Variants in LIN28B observed in about 807,000 individuals in gnomAD.
LIN28B encodes the protein lin-28 RNA binding posttranscriptional regulator B.
In LIN28B, 5 loss-of-function variants were observed where a neutral mutation model predicts 21.9. The ratio of observed to expected loss-of-function variants is 0.23; its 90% CI spans 0.12 to 0.48. The LOEUF (loss-of-function observed/expected upper bound fraction) is 0.48. Among genes scored for constraint, LIN28B ranks in the 20% least tolerant of loss-of-function variants. LIN28B has a pLI of 0.98. For synonymous variants in LIN28B, 109 were observed against 111.3 expected (o/e 0.98, Z 0.13); for missense variants, 245 against 310.5 (o/e 0.79, Z 1.58).
intron 2 of LIN28B, among the ~76,000 whole-genome samples, chr6:105,025,148 A>T (rs1771263381): frequency 6.6e-6 from 1 of 152,218 alleles, no homozygotes; most frequent in African/African-American, 2.4e-5. Flanking sequence ...TGGCTTATTC[A>T]AAGCAATATA....
chr6:104,943,529 GATTTAAAAAATGAAACATGGGCATAC>G (rs1778121868), intron 2 of LIN28B, among the ~76,000 whole-genome samples: 1 of 152,038 alleles, frequency 6.6e-6, no homozygotes. Context: ...AAGTTGCATT[GATTTAAAAAATGAAACATGGGCATAC>G]AGGGATGAAT....
rs140354720 is a variant in LIN28B, at chr6:104,980,013, A to C, written c.198+21727A>C. ...ATGTCTTTATCTTAACATGAGAAACATAGAAAGGATTGATGTGCTTTTGCA... is the reference window on the plus strand; with the variant it reads ...ATGTCTTTATCTTAACATGAGAAACCTAGAAAGGATTGATGTGCTTTTGCA... On this transcript the variant is annotated intron_variant, in intron 2 of 3. Transcript: ENST00000345080. Among the ~76,000 whole-genome samples, 374 of 152,318 alleles carry C rather than the reference A, an allele frequency of 2.5e-3. 3 individuals carry two copies. The highest frequency in any genetic ancestry group is 8.8e-3 in the African/African-American group (365 of 41,584).
At chr6:105,069,562 A>G (rs986140083) in intron 3 of LIN28B, among the ~76,000 whole-genome samples, 1 of 149,688 alleles carries the variant, frequency 6.7e-6, no homozygotes, top group Admixed American at 6.7e-5. Context: ...CCGTCTCTAC[A>G]AAAAATTTAA....
chr6:104,991,405 A>G (rs1347828085), intron 2 of LIN28B, among the ~76,000 whole-genome samples: 2 of 126,976 alleles, frequency 1.6e-5, no homozygotes, highest in African/African-American at 6.1e-5. Context: ...CGCTCCTCAC[A>G]TCCCAGACGG....
chr6:104,971,569 A>G (rs1050721802), intron 2 of LIN28B, among the ~76,000 whole-genome samples: 6 of 152,174 alleles, frequency 3.9e-5, no homozygotes, highest in African/African-American at 1.4e-4. Context: ...AGCTACATAG[A>G]AAGGCTACTT....
At chr6:104,980,320 T>C (rs1053402718) in intron 2 of LIN28B, among the ~76,000 whole-genome samples, 6 of 152,210 alleles carry the variant, frequency 3.9e-5, no homozygotes, top group African/African-American at 1.4e-4. Flanking sequence ...AGTTTTTATC[T>C]CTTTGAGAAA....
At chr6:104,992,852 ATACTTT>A (rs1343833232) in intron 2 of LIN28B, among the ~76,000 whole-genome samples, 1 of 151,966 alleles carries the variant, frequency 6.6e-6, no homozygotes, top group East Asian at 1.9e-4. Flanking sequence ...TATTAGCTTT[ATACTTT>A]TACTTTTCTC....
At chr6:105,007,636 C>T (rs1230793978) in intron 2 of LIN28B, among the ~76,000 whole-genome samples, 1 of 151,272 alleles carries the variant, frequency 6.6e-6, no homozygotes, top group East Asian at 1.9e-4. Flanking sequence ...GAGATCCTCC[C>T]ACCTTAGCCT....
At chr6:104,999,388 C>T (rs1300234288) in intron 2 of LIN28B, among the ~76,000 whole-genome samples, 1 of 152,118 alleles carries the variant, frequency 6.6e-6, no homozygotes, top group Non-Finnish European at 1.5e-5. Flanking sequence ...GTCATCCCAC[C>T]TCAGTCTCCT....
intron 3 of LIN28B, among the ~76,000 whole-genome samples, chr6:105,034,682 A>C (rs1312141155): frequency 1.3e-5 from 2 of 152,084 alleles, no homozygotes; most frequent in Non-Finnish European, 2.9e-5. Context: ...ACAGAAACAG[A>C]AACCAATTAT....
At chr6:104,954,203 T>C (rs548387362), upstream of LIN28B, among the ~76,000 whole-genome samples, 2 of 152,156 alleles carry the variant, frequency 1.3e-5, no homozygotes, top group East Asian at 3.9e-4. Flanking sequence ...TTTCAGGCAC[T>C]AAAACCAAGT....
chr6:104,981,792 A>G (rs1030235601), intron 2 of LIN28B, among the ~76,000 whole-genome samples: 7 of 152,212 alleles, frequency 4.6e-5, no homozygotes, highest in African/African-American at 1.7e-4. Flanking sequence ...TGCTCTTTTT[A>G]TAGGTACATT....
chr6:105,052,382 T>C (rs1461466300), intron 3 of LIN28B, among the ~76,000 whole-genome samples: 3 of 152,062 alleles, frequency 2.0e-5, no homozygotes, highest in Non-Finnish European at 2.9e-5. Flanking sequence ...GGCTGGGAAG[T>C]CCAAGATCAA....
At chr6:104,989,792 A>T (rs937171749) in intron 2 of LIN28B, among the ~76,000 whole-genome samples, 6 of 151,366 alleles carry the variant, frequency 4.0e-5, no homozygotes, top group Non-Finnish European at 5.9e-5. Context: ...GAATTTCACC[A>T]TGTTGGCCTG....
intron 2 of LIN28B, among the ~76,000 whole-genome samples, chr6:104,983,370 A>G (rs577338888): frequency 1.3e-5 from 2 of 152,342 alleles, no homozygotes; most frequent in African/African-American, 4.8e-5. Context: ...AAAAGAAAGT[A>G]AAACAATGAT....
At chr6:105,057,986 C>A in intron 3 of LIN28B, 1 of 318,270 alleles carries the variant, frequency 3.1e-6, no homozygotes, top group Non-Finnish European at 6.0e-6. Flanking sequence ...CTGTATGCAG[C>A]TCATGGTCCC....
chr6:104,938,450 G>A (rs1453299955), intron 2 of LIN28B, among the ~76,000 whole-genome samples: 43 of 151,920 alleles, frequency 2.8e-4, no homozygotes, highest in Admixed American at 2.8e-3. Flanking sequence ...ACCAGCGTGG[G>A]CAACATGGTG....
At chr6:105,065,222 T>C (rs564867734) in intron 3 of LIN28B, among the ~76,000 whole-genome samples, 32 of 152,278 alleles carry the variant, frequency 2.1e-4, no homozygotes, top group African/African-American at 7.5e-4. Flanking sequence ...CATCAGGCTT[T>C]AGTCATAAAA....
chr6:105,050,164 G>C (rs1771868203), intron 3 of LIN28B, among the ~76,000 whole-genome samples: 1 of 152,162 alleles, frequency 6.6e-6, no homozygotes, highest in East Asian at 1.9e-4. Flanking sequence ...CATGTTTAGT[G>C]CTTCCTTCAG....
Sources: allele counts gnomAD v4.1 joint callset (sites outside exome capture counted in the v4.1 genomes callset), GRCh38; gene constraint gnomAD v4.1.1; transcripts MANE v1.5; gene names NCBI Gene and HGNC (gene_info 2026-07-23, HGNC 2026-07-21).